Variants in PLXDC2 observed in about 807,000 individuals in gnomAD.
PLXDC2 encodes plexin domain-containing protein 2.
Under a neutral mutation model 68.9 loss-of-function variants are expected in PLXDC2, and 40 were observed. The ratio of observed to expected loss-of-function variants is 0.58; its 90% CI spans 0.45 to 0.76. The LOEUF is 0.76. Among genes scored for constraint, PLXDC2 ranks in the 30% least tolerant of loss-of-function variants. PLXDC2 has a pLI of 0.00. For missense variants in PLXDC2, 644 were observed against 661.9 expected (o/e 0.97, Z 0.30); for synonymous variants, 243 against 234.2 (o/e 1.04, Z -0.34).
At chr10:20,157,237 T>G (rs1834229241) in intron 6 of PLXDC2, among the ~76,000 whole-genome samples, 1 of 152,208 alleles carries the variant, frequency 6.6e-6, no homozygotes, top group Non-Finnish European at 1.5e-5. Context: ...ATTTTGTTGT[T>G]GCTGTTGTTT....
rs533735536 is a variant in PLXDC2 at position 20,201,266 on chromosome 10, T to C, written c.1062-10403T>C. Reference sequence around the variant, plus strand: ...GAACTGGAGGACATTACATTAAGTGTTTCACTGATTTGAAGTCCAGAACAG... The same window carrying C: ...GAACTGGAGGACATTACATTAAGTGCTTCACTGATTTGAAGTCCAGAACAG... On this transcript the variant is annotated intron_variant, in intron 9 of 13. Coordinates refer to ENST00000377252, the MANE Select transcript of PLXDC2 (RefSeq NM_032812.9). Among the ~76,000 whole-genome samples the C allele has an allele frequency of 3.9e-5, 6 of 152,168 alleles. No homozygotes were observed. The South Asian group carries it at 1.2e-3, about 32-fold the overall frequency.
At chr10:20,089,031 T>C (rs1176663449) in intron 4 of PLXDC2, among the ~76,000 whole-genome samples, 1 of 152,186 alleles carries the variant, frequency 6.6e-6, no homozygotes, top group African/African-American at 2.4e-5. Flanking sequence ...CAGCAGTGGA[T>C]GATTGAATCT....
At chr10:19,885,199 T>G (rs1319644382) in intron 1 of PLXDC2, among the ~76,000 whole-genome samples, 6 of 152,166 alleles carry the variant, frequency 3.9e-5, no homozygotes, top group Non-Finnish European at 7.4e-5. Flanking sequence ...TTGATGGGGT[T>G]GTTTGTTTTT....
At chr10:19,959,261 T>G (rs1257702570) in intron 1 of PLXDC2, among the ~76,000 whole-genome samples, 1 of 152,142 alleles carries the variant, frequency 6.6e-6, no homozygotes, top group Non-Finnish European at 1.5e-5. Flanking sequence ...GAAAGGATAA[T>G]AAAGATACCT....
At chr10:20,273,387 T>C (rs1835963996) in intron 13 of PLXDC2, among the ~76,000 whole-genome samples, 1 of 152,218 alleles carries the variant, frequency 6.6e-6, no homozygotes, top group Non-Finnish European at 1.5e-5. Context: ...CTGAAAATAA[T>C]GCTGTCTTCT....
chr10:20,025,395 T>G (rs967766622), intron 2 of PLXDC2, among the ~76,000 whole-genome samples: 5 of 152,102 alleles, frequency 3.3e-5, no homozygotes, highest in African/African-American at 1.2e-4. Flanking sequence ...CCCAAGTAGC[T>G]GGGATTACAG....
rs927919267 is a variant in PLXDC2 at position 20,019,583 on chromosome 10, T to C, written c.324+17597T>C. Among the ~76,000 whole-genome samples, 10 of 152,272 alleles carry C rather than the reference T, an allele frequency of 6.6e-5. No homozygotes were observed. In the South Asian group the frequency reaches 1.2e-3, roughly 19 times the overall value. ...AGGTCATAAGGACGGAGTCCTAATCTGATAGGATTGGTGGGCTTATAAAAA... is the reference window on the plus strand; with the variant it reads ...AGGTCATAAGGACGGAGTCCTAATCCGATAGGATTGGTGGGCTTATAAAAA... On this transcript the variant is annotated intron_variant, in intron 2 of 13. Transcript: ENST00000377252.
At chr10:20,266,341 G>A (rs1835871733) in intron 13 of PLXDC2, among the ~76,000 whole-genome samples, 1 of 150,024 alleles carries the variant, frequency 6.7e-6, no homozygotes, top group African/African-American at 2.4e-5. Flanking sequence ...TAACCCAAAT[G>A]TAAATTAATG....
intron 1 of PLXDC2, among the ~76,000 whole-genome samples, chr10:19,828,121 G>C (rs539636193): frequency 6.6e-6 from 1 of 152,304 alleles, no homozygotes; most frequent in South Asian, 2.1e-4. Context: ...TGGACATGAT[G>C]ATATTTTCGC....
chr10:20,077,066 T>G (rs1836464381), intron 4 of PLXDC2, among the ~76,000 whole-genome samples: 1 of 152,074 alleles, frequency 6.6e-6, no homozygotes, highest in Admixed American at 6.6e-5. Flanking sequence ...TAGCAAGAAT[T>G]GTAGGGACAA....
chr10:20,167,558 CTT>C (rs1213073727), intron 7 of PLXDC2, among the ~76,000 whole-genome samples: 1 of 152,118 alleles, frequency 6.6e-6, no homozygotes, highest in Non-Finnish European at 1.5e-5. Context: ...CCTCTGTTAA[CTT>C]TTTTACCCCC....
At chr10:20,267,784 A>G (rs1222891645) in intron 13 of PLXDC2, among the ~76,000 whole-genome samples, 1 of 152,106 alleles carries the variant, frequency 6.6e-6, no homozygotes, top group African/African-American at 2.4e-5. Context: ...ACAAAAACAA[A>G]AGAAGTTATT....
intron 1 of PLXDC2, among the ~76,000 whole-genome samples, chr10:19,987,727 A>AT (rs1278381607): frequency 2.1e-4 from 31 of 146,510 alleles, no homozygotes; most frequent in Admixed American, 9.4e-4. Flanking sequence ...ACCCCCGGCT[A>AT]TTTTTTTTTT....
At chr10:19,863,666 A>T (rs973401633) in intron 1 of PLXDC2, among the ~76,000 whole-genome samples, 1 of 152,250 alleles carries the variant, frequency 6.6e-6, no homozygotes, top group African/African-American at 2.4e-5. Flanking sequence ...GCTTAATTTC[A>T]TATCATTTTA....
At chr10:20,067,481 T>C (rs1348105607) in intron 3 of PLXDC2, among the ~76,000 whole-genome samples, 2 of 151,848 alleles carry the variant, frequency 1.3e-5, no homozygotes, top group Non-Finnish European at 2.9e-5. Flanking sequence ...AGGTCAGGAG[T>C]TCGAGACCAG....
chr10:19,974,947 AG>A (rs1170677700), intron 1 of PLXDC2, among the ~76,000 whole-genome samples: 1 of 152,220 alleles, frequency 6.6e-6, no homozygotes, highest in Non-Finnish European at 1.5e-5. Context: ...TGAGTGTGTT[AG>A]ACAAGTTATC....
chr10:20,172,766 T>A (rs1337861683), intron 7 of PLXDC2, among the ~76,000 whole-genome samples: 3 of 152,210 alleles, frequency 2.0e-5, no homozygotes, highest in Admixed American at 2.0e-4. Context: ...TCATGCTTAC[T>A]CAAGTAACTT....
At chr10:19,985,452 T>C (rs1480862744) in intron 1 of PLXDC2, among the ~76,000 whole-genome samples, 1 of 152,232 alleles carries the variant, frequency 6.6e-6, no homozygotes, top group Non-Finnish European at 1.5e-5. Context: ...TGTTTTCTTA[T>C]TTCCACTTAG....
At chr10:19,907,434 C>T (rs1310445054) in intron 1 of PLXDC2, among the ~76,000 whole-genome samples, 1 of 152,286 alleles carries the variant, frequency 6.6e-6, no homozygotes, top group Non-Finnish European at 1.5e-5. Context: ...CACAGGAACA[C>T]AGCGAAGGAT....
Sources: gnomAD v4.1 joint callset for allele counts (sites outside exome capture counted in the v4.1 genomes callset) on GRCh38, gnomAD v4.1.1 for gene constraint, MANE v1.5 for transcripts, NCBI Gene and HGNC (gene_info 2026-07-23, HGNC 2026-07-21) for gene names.